Variants in ASIC2 observed in about 807,000 individuals in gnomAD.
The protein encoded by ASIC2 is acid-sensing ion channel 2.
ASIC2 carries 25 observed loss-of-function variants against 57.3 expected under a neutral mutation model. The ratio of observed to expected loss-of-function variants is 0.44; its 90% CI spans 0.32 to 0.61. The LOEUF (loss-of-function observed/expected upper bound fraction) is 0.61, where lower values mean the gene tolerates loss of function less well. ASIC2 is among the 20% of genes least tolerant of loss of function. The probability of loss-of-function intolerance (pLI) is 0.06; values close to 1 mark genes in which losing one functional copy is unlikely to be tolerated. For synonymous variants in ASIC2, 319 were observed against 307.5 expected (o/e 1.04, Z -0.39); for missense variants, 641 against 738.1 (o/e 0.87, Z 1.52).
At chr17:33,807,114 G>A (rs1182591838) in intron 1 of ASIC2, among the ~76,000 whole-genome samples, 1 of 152,188 alleles carries the variant, frequency 6.6e-6, no homozygotes, top group Admixed American at 6.5e-5. Context: ...GGAAAATGCA[G>A]AAATGCTCAA....
chr17:33,803,200 T>C (rs757598585), intron 1 of ASIC2, among the ~76,000 whole-genome samples: 3 of 152,224 alleles, frequency 2.0e-5, no homozygotes, highest in Non-Finnish European at 4.4e-5. Context: ...CTCTGACCAC[T>C]ATTGTTAGGT....
chr17:33,208,013 G>A (rs953262817), intron 1 of ASIC2, among the ~76,000 whole-genome samples: 3 of 152,166 alleles, frequency 2.0e-5, no homozygotes, highest in Non-Finnish European at 4.4e-5. Flanking sequence ...TTCAGAGTCT[G>A]CTTCTAGAGG....
At chr17:33,871,119 T>C (rs946739137) in intron 1 of ASIC2, among the ~76,000 whole-genome samples, 16 of 152,184 alleles carry the variant, frequency 1.1e-4, no homozygotes, top group Non-Finnish European at 5.9e-5. Flanking sequence ...TCCTCCTGCA[T>C]GGGCACTGAG....
chr17:33,487,114 TTC>T (rs1456377949), intron 1 of ASIC2, among the ~76,000 whole-genome samples: 1 of 152,244 alleles, frequency 6.6e-6, no homozygotes, highest in African/African-American at 2.4e-5. Context: ...TGAAAGCCAC[TTC>T]CAGACAAGCA....
At chr17:34,151,074 G>A (rs554771729) in intron 1 of ASIC2, among the ~76,000 whole-genome samples, 146 of 142,324 alleles carry the variant, frequency 1.0e-3, no homozygotes, top group Non-Finnish European at 1.8e-3. Flanking sequence ...CTGCACTCCA[G>A]CCTGGGCAAC....
intron 1 of ASIC2, among the ~76,000 whole-genome samples, chr17:33,903,488 A>C (rs1039764557): frequency 1.3e-5 from 2 of 152,250 alleles, no homozygotes; most frequent in South Asian, 4.1e-4. Flanking sequence ...CTTTCTTTAG[A>C]GTTCAGAATA....
chr17:33,801,898 A>C (rs1443137218), intron 1 of ASIC2, among the ~76,000 whole-genome samples: 1 of 152,202 alleles, frequency 6.6e-6, no homozygotes, highest in Non-Finnish European at 1.5e-5. Context: ...ACTTTCCATC[A>C]TCGCAGAGTG....
At chr17:33,582,536 C>T (rs887205909) in intron 1 of ASIC2, among the ~76,000 whole-genome samples, 1 of 152,132 alleles carries the variant, frequency 6.6e-6, no homozygotes, top group Non-Finnish European at 1.5e-5. Flanking sequence ...TTCTCTATGC[C>T]TTTATTTTTC....
At chr17:33,123,464 T>C (rs1031751092) in intron 1 of ASIC2, among the ~76,000 whole-genome samples, 3 of 152,180 alleles carry the variant, frequency 2.0e-5, no homozygotes, top group Non-Finnish European at 4.4e-5. Flanking sequence ...TCAGAGATAG[T>C]AGAATGGTGG....
At chr17:33,522,882 C>T (rs976636732) in intron 1 of ASIC2, among the ~76,000 whole-genome samples, 6 of 152,196 alleles carry the variant, frequency 3.9e-5, no homozygotes, top group African/African-American at 1.4e-4. Flanking sequence ...CTGCACCGTG[C>T]AGTCCTGGGG....
chr17:33,519,803 G>A (rs1350955650), intron 1 of ASIC2, among the ~76,000 whole-genome samples: 1 of 152,104 alleles, frequency 6.6e-6, no homozygotes, highest in East Asian at 1.9e-4. Context: ...CTCACTTCAG[G>A]CCACCCACGC....
chr17:33,739,757 G>GA (rs1313740731), intron 1 of ASIC2, among the ~76,000 whole-genome samples: 1 of 146,820 alleles, frequency 6.8e-6, no homozygotes, highest in Non-Finnish European at 1.5e-5. Context: ...TAACAGGAGA[G>GA]AAAATGGAGG....
chr17:33,470,633 C>G (rs1295382091), intron 1 of ASIC2, among the ~76,000 whole-genome samples: 1 of 152,194 alleles, frequency 6.6e-6, no homozygotes, highest in African/African-American at 2.4e-5. Flanking sequence ...ATCACCTGCT[C>G]TTCAGTTCTT....
At chr17:33,546,160 T>TAC (rs201255105) in intron 1 of ASIC2, among the ~76,000 whole-genome samples, 4 of 147,452 alleles carry the variant, frequency 2.7e-5, no homozygotes, top group Admixed American at 6.8e-5. Context: ...TAAATATATA[T>TAC]ACATAAGTAT....
intron 1 of ASIC2, among the ~76,000 whole-genome samples, chr17:33,270,132 C>A (rs1016507696): frequency 1.3e-5 from 2 of 152,210 alleles, no homozygotes; most frequent in Non-Finnish European, 2.9e-5. Context: ...TAATTCATTG[C>A]AAAGTCAATT....
intron 1 of ASIC2, among the ~76,000 whole-genome samples, chr17:33,870,620 G>A (rs1309266126): frequency 6.6e-6 from 1 of 152,028 alleles, no homozygotes; most frequent in Non-Finnish European, 1.5e-5. Flanking sequence ...TGGGATGAGT[G>A]GGTGGGTGTG....
chr17:33,461,823 A>G (rs1912646702), intron 1 of ASIC2, among the ~76,000 whole-genome samples: 1 of 152,174 alleles, frequency 6.6e-6, no homozygotes, highest in Non-Finnish European at 1.5e-5. Context: ...ATTAAAGGGT[A>G]ATTTTTATAA....
At chr17:33,271,869 T>A (rs1238396972) in intron 1 of ASIC2, among the ~76,000 whole-genome samples, 4 of 152,114 alleles carry the variant, frequency 2.6e-5, no homozygotes, top group Non-Finnish European at 5.9e-5. Flanking sequence ...GCAGTGGGAG[T>A]CATCTCCAAG....
rs2228990 is a variant in ASIC2, at chr17:34,156,218, A to G, written c.315T>C (p.Asn105=). ...GCAGCTCCCCAGCATGGTACAGGTCATTGGTGGTGAGCCTGGAGAACCGGA... is the reference window on the plus strand; with the variant it reads ...GCAGCTCCCCAGCATGGTACAGGTCGTTGGTGGTGAGCCTGGAGAACCGGA... Residue 105 remains asparagine, a synonymous_variant, in exon 1 of 10, where the codon AAT becomes AAC. Coordinates refer to the ASIC2 transcript ENST00000359872. The surrounding 1 kb of genome is among the most constrained non-coding windows in gnomAD (Gnocchi z 4.4). The G allele has an allele frequency of 0.21, 340,271 of 1,613,928 alleles. 38,440 individuals carry two copies. The highest frequency in any genetic ancestry group is 0.38 in the Admixed American group (23,001 of 60,008).
Sources: allele counts gnomAD v4.1 joint callset (sites outside exome capture counted in the v4.1 genomes callset), GRCh38; gene constraint gnomAD v4.1.1; non-coding constraint Gnocchi (gnomAD v3.1); transcripts MANE v1.5; gene names NCBI Gene and HGNC (gene_info 2026-07-23, HGNC 2026-07-21).